INPP5F: variants seen among roughly 807,000 people sequenced by gnomAD.
INPP5F encodes inositol polyphosphate-5-phosphatase F, also known as phosphatidylinositide 4-phosphatase SAC2.
INPP5F carries 97 observed loss-of-function variants against 137.2 expected under a neutral mutation model. That is an observed-to-expected ratio of 0.71 (90% CI 0.60 to 0.84). The LOEUF (loss-of-function observed/expected upper bound fraction) is 0.84. INPP5F is among the 40% of genes least tolerant of loss of function. The pLI, the probability that INPP5F is intolerant of heterozygous loss-of-function variation, is 0.00. For missense variants in INPP5F, 1,271 were observed against 1,371.9 expected (o/e 0.93, Z 1.16); for synonymous variants, 504 against 476.9 (o/e 1.06, Z -0.74).
At chr10:119,791,391 A>T (rs1850138265) in intron 3 of INPP5F, 126 bp from the exon 4 acceptor site, 5 of 731,580 alleles carry the variant, frequency 6.8e-6, no homozygotes, top group Non-Finnish European at 1.2e-5. Context: ...TGTCTACTTG[A>T]TAATTTTTCT....
intron 6 of INPP5F, among the ~76,000 whole-genome samples, chr10:119,794,293 T>A (rs1283415839): frequency 6.6e-6 from 1 of 152,178 alleles, no homozygotes. Flanking sequence ...CATTCAACCC[T>A]GAGTGGATAC....
intron 2 of INPP5F, among the ~76,000 whole-genome samples, chr10:119,766,395 A>C (rs1589691862): frequency 6.6e-6 from 1 of 152,184 alleles, no homozygotes. Flanking sequence ...TATTTCATAC[A>C]CTTTAAAAAC....
intron 1 of INPP5F, among the ~76,000 whole-genome samples, chr10:119,747,690 T>C (rs1848577634): frequency 2.0e-5 from 3 of 152,302 alleles, no homozygotes; most frequent in South Asian, 4.1e-4. Flanking sequence ...CCAAAAGCTA[T>C]TAATTAGAGA....
At chr10:119,793,410 A>G (rs1488775185) in intron 6 of INPP5F, among the ~76,000 whole-genome samples, 1 of 151,566 alleles carries the variant, frequency 6.6e-6, no homozygotes, top group Non-Finnish European at 1.5e-5. Context: ...AAAACAAAAC[A>G]AAACAAAACA....
At chr10:119,741,030 G>A (rs1207222508) in intron 1 of INPP5F, among the ~76,000 whole-genome samples, 2 of 152,110 alleles carry the variant, frequency 1.3e-5, no homozygotes, top group Non-Finnish European at 2.9e-5. Flanking sequence ...ACAGGTGTCC[G>A]GCTAAGTTAG....
intron 13 of INPP5F, among the ~76,000 whole-genome samples, chr10:119,809,080 G>A (rs1850918855): frequency 6.6e-6 from 1 of 152,104 alleles, no homozygotes; most frequent in African/African-American, 2.4e-5. Flanking sequence ...AAAATTAGCT[G>A]GGCATGGTGG....
At chr10:119,811,666 C>A (rs1589743990) in intron 14 of INPP5F, 91 bp from the exon 15 acceptor site, 2 of 994,792 alleles carry the variant, frequency 2.0e-6, no homozygotes, top group East Asian at 5.1e-5. Flanking sequence ...CTTCCAAGAG[C>A]TTTACAGTTT....
At position 119,781,782 on chromosome 10, in the gene INPP5F, TA is replaced by T; in HGVS notation, c.315+14del. ...GATCTTGAGCTAGAGGTAGGTGAAA[TA>T]AAGGGAAATTATATGGAAACCTGAT... On this transcript the variant is annotated intron_variant, in intron 3 of 19. Coordinates refer to ENST00000650623, the MANE Select transcript of INPP5F (RefSeq NM_014937.4). The T allele has an allele frequency of 6.3e-7, 1 of 1,580,424 alleles. No homozygotes were observed. Among genetic ancestry groups the T allele is most frequent in the Non-Finnish European group, 8.6e-7 (1 of 1,157,320 alleles).
At chr10:119,799,403 C>T in intron 9 of INPP5F, 1 of 358,226 alleles carries the variant, frequency 2.8e-6, no homozygotes, top group Admixed American at 3.7e-5. Context: ...TACTGAAGAA[C>T]ACAACAGAAA....
rs1196538092 is a variant in INPP5F at position 119,762,826 on chromosome 10, AT to A, written c.178+11674del. 3.3e-5 allele frequency among the ~76,000 whole-genome samples: 5 copies of A among 152,252 alleles called. 1 individual carries two copies. Among genetic ancestry groups the A allele is most frequent in the African/African-American group, 1.2e-4 (5 of 41,550 alleles). On this transcript the variant is annotated intron_variant, in intron 2 of 19. Coordinates refer to ENST00000650623, the MANE Select transcript of INPP5F (RefSeq NM_014937.4). The stretch of plus-strand genomic sequence containing the variant: ...GGCACATAAACATTTAGCTTATAAT[AT>A]TTTGCCCTGTCCCCCTAAATGTATG...
rs116156552 is a variant in INPP5F at position 119,748,786 on chromosome 10, C to T, written c.98-2290C>T. 2.4e-3 allele frequency among the ~76,000 whole-genome samples: 359 copies of T among 152,286 alleles called. 3 individuals are homozygous for T. The highest frequency in any genetic ancestry group is 8.2e-3 in the African/African-American group (342 of 41,566). The stretch of plus-strand genomic sequence containing the variant: ...CACCCTGAGTTCTTACTCCAGCTCA[C>T]GGACTCCACCCGGAACCTGCAGCTC... On this transcript the variant is annotated intron_variant, in intron 1 of 19. Transcript: ENST00000650623. This position sits in a 1 kb window ranked among gnomAD's most constrained non-coding sequence, Gnocchi z 4.7.
intron 12 of INPP5F, 51 bp downstream of exon 12, chr10:119,806,531 T>A: frequency 6.6e-7 from 1 of 1,507,524 alleles, no homozygotes; most frequent in Non-Finnish European, 8.9e-7. Flanking sequence ...ATGCTTTTTT[T>A]TTCCATGAGT....
intron 2 of INPP5F, among the ~76,000 whole-genome samples, chr10:119,769,412 C>T (rs1589694628): frequency 6.6e-6 from 1 of 152,132 alleles, no homozygotes; most frequent in South Asian, 2.1e-4. Context: ...GGACTGCAGG[C>T]ACACACCACC....
intron 2 of INPP5F, among the ~76,000 whole-genome samples, chr10:119,754,740 C>T (rs551398200): frequency 6.6e-6 from 1 of 152,190 alleles, no homozygotes; most frequent in East Asian, 1.9e-4. Flanking sequence ...CCCCCAGCCC[C>T]TTGCCTGTGA....
At chr10:119,819,532 G>T (rs1416750056) in intron 15 of INPP5F, 1 of 1,604,180 alleles carries the variant, frequency 6.2e-7, no homozygotes, top group Admixed American at 1.7e-5. Flanking sequence ...ACAATTTTCA[G>T]AGTGCACGTA....
At position 119,726,287 on chromosome 10, in the gene INPP5F, C is replaced by T; in HGVS notation, c.25C>T (p.His9Tyr). ...CATGGAGCTCTTCCAAGCCAAGGACCACTACATCCTGCAGCAGGGCGAGCG... is the reference window on the plus strand; with the variant it reads ...CATGGAGCTCTTCCAAGCCAAGGACTACTACATCCTGCAGCAGGGCGAGCG... The part of the protein sequence containing the change: MELFQAKD[H>Y]YILQQGERAL... Residue 9 changes from histidine to tyrosine, a missense_variant, in exon 1 of 20, where the codon CAC (histidine) becomes TAC (tyrosine). Transcript: ENST00000650623. The T allele has an allele frequency of 2.0e-6, 3 of 1,492,970 alleles. No homozygotes were observed. Among genetic ancestry groups the T allele is most frequent in the Non-Finnish European group, 2.7e-6 (3 of 1,121,032 alleles). 92.5% of individuals were successfully genotyped at this position (1,492,970 alleles called of 1,614,324 possible). A position where few individuals can be genotyped will look rare whatever the true frequency, so the allele number is the denominator to read the frequency against.
chr10:119,786,055 C>T (rs1247725704), intron 3 of INPP5F, among the ~76,000 whole-genome samples: 1 of 152,140 alleles, frequency 6.6e-6, no homozygotes, highest in Non-Finnish European at 1.5e-5. Flanking sequence ...ATTTAGTTTC[C>T]ATCAGACACC....
At chr10:119,744,226 A>G (rs906226990) in intron 1 of INPP5F, among the ~76,000 whole-genome samples, 2 of 152,188 alleles carry the variant, frequency 1.3e-5, no homozygotes, top group Non-Finnish European at 2.9e-5. Context: ...GTTAAAAAAT[A>G]TACATGCATT....
chr10:119,801,903 A>G (rs961595244), intron 9 of INPP5F, among the ~76,000 whole-genome samples: 1 of 152,108 alleles, frequency 6.6e-6, no homozygotes, highest in Non-Finnish European at 1.5e-5. Flanking sequence ...ATTCACATCA[A>G]TTTTCTAGGT....
Sources: allele counts gnomAD v4.1 joint callset (sites outside exome capture counted in the v4.1 genomes callset), GRCh38; gene constraint gnomAD v4.1.1; non-coding constraint Gnocchi (gnomAD v3.1); transcripts MANE v1.5; gene names NCBI Gene and HGNC (gene_info 2026-07-23, HGNC 2026-07-21).